XXYLT1: variants seen among roughly 807,000 people sequenced by gnomAD.
The protein encoded by XXYLT1 is xyloside xylosyltransferase 1.
In XXYLT1, 20 loss-of-function variants were observed where a neutral mutation model predicts 28.9. That is an observed-to-expected ratio of 0.69 (90% CI 0.49 to 1.00). The LOEUF is 1.00. Among genes scored for constraint, XXYLT1 ranks in the 50% least tolerant of loss-of-function variants. The pLI is 0.00. For missense variants in XXYLT1, 542 were observed against 560.1 expected, an observed-to-expected ratio of 0.97 and a Z score of 0.33; for synonymous variants, 257 against 253.8, an observed-to-expected ratio of 1.01 and a Z score of -0.12.
chr3:195,137,413 C>CT (rs905551283), intron 3 of XXYLT1, among the ~76,000 whole-genome samples: 4 of 152,218 alleles, frequency 2.6e-5, no homozygotes, highest in African/African-American at 9.6e-5. Flanking sequence ...CACTGGTCTT[C>CT]TGCACCATGG....
At chr3:195,253,995 C>A (rs1725379638) in intron 1 of XXYLT1, among the ~76,000 whole-genome samples, 1 of 152,230 alleles carries the variant, frequency 6.6e-6, no homozygotes, top group Non-Finnish European at 1.5e-5. Context: ...TGCTCTCGGA[C>A]AAGTCACGGG....
intron 3 of XXYLT1, among the ~76,000 whole-genome samples, chr3:195,153,189 C>T (rs775973391): frequency 4.6e-5 from 7 of 152,264 alleles, no homozygotes; most frequent in Non-Finnish European, 7.3e-5. Flanking sequence ...CACTGCCAGC[C>T]AGGTGAACAC....
intron 3 of XXYLT1, among the ~76,000 whole-genome samples, chr3:195,128,442 C>A (rs184258982): frequency 1.8e-3 from 272 of 152,264 alleles, no homozygotes; most frequent in Non-Finnish European, 3.1e-3. Context: ...TGTCAACATC[C>A]TAAAATGAAA....
intron 2 of XXYLT1, among the ~76,000 whole-genome samples, chr3:195,206,065 C>T (rs1220254992): frequency 6.8e-6 from 1 of 146,490 alleles, no homozygotes; most frequent in East Asian, 2.0e-4. Context: ...CACTCTGTCA[C>T]CCAGCCTGGA....
rs1491089366 is a variant in XXYLT1, at chr3:195,110,176, ATG to A, written c.786-40067_786-40066del. Among the ~76,000 whole-genome samples, 8 of 12,256 alleles carry A rather than the reference ATG, an allele frequency of 6.5e-4. 3 individuals are homozygous for A. The highest frequency in any genetic ancestry group is 1.6e-3 in the East Asian group (1 of 624). 8.0% of individuals were successfully genotyped at this position (12,256 alleles called of 152,430 possible). ...TGTGTGTTGTGTGTGGTGTCTGAGT[ATG>A]TGTGTGTGTGGGTGAGGTGTATGTG... is the stretch of plus-strand genomic sequence containing the variant. On this transcript the variant is annotated intron_variant, in intron 3 of 3. Transcript: ENST00000310380.
intron 2 of XXYLT1, among the ~76,000 whole-genome samples, chr3:195,185,273 T>A (rs1277745041): frequency 6.6e-6 from 1 of 152,102 alleles, no homozygotes; most frequent in Non-Finnish European, 1.5e-5. Context: ...TCTTAGAACT[T>A]AGACTAAAGA....
rs1725453458 is a variant in XXYLT1 at position 195,255,729 on chromosome 3, G to C, written c.504+14826C>G. Reference sequence around the variant, plus strand: ...AGGAGAGCTGCTCCCAGTCTCCCTTGTCCACTGAGCAGCTGTGTGGCCCTG... The same window carrying C: ...AGGAGAGCTGCTCCCAGTCTCCCTTCTCCACTGAGCAGCTGTGTGGCCCTG... On this transcript the variant is annotated intron_variant, in intron 1 of 3. Transcript: ENST00000310380. This position sits in a 1 kb window ranked among gnomAD's most constrained non-coding sequence, Gnocchi z 4.5. 6.6e-6 allele frequency among the ~76,000 whole-genome samples: 1 copy of C among 152,104 alleles called. No homozygotes were observed. Among genetic ancestry groups the C allele is most frequent in the East Asian group, 1.9e-4 (1 of 5,188 alleles).
chr3:195,175,127 G>A (rs1273726830), intron 2 of XXYLT1, among the ~76,000 whole-genome samples: 1 of 152,196 alleles, frequency 6.6e-6, no homozygotes, highest in Non-Finnish European at 1.5e-5. Flanking sequence ...CTCTACCCCA[G>A]AGCAATCGGG....
rs553453292 is a variant in XXYLT1 at position 195,149,930 on chromosome 3, T to A, written c.785+6519A>T. ...GCCGGGAGATAACATATCCAGCGTT[T>A]TTGTCTTCCATAATAGGAGGCAGGC... On this transcript the variant is annotated intron_variant, in intron 3 of 3. Coordinates refer to ENST00000310380, the MANE Select transcript of XXYLT1 (RefSeq NM_152531.5). Among the ~76,000 whole-genome samples, 3 of 152,302 alleles carry A rather than the reference T, an allele frequency of 2.0e-5. No individual in the cohort carries two copies. The East Asian group carries it at 5.8e-4, about 29-fold the overall frequency.
At chr3:195,258,179 G>A (rs1323224404) in intron 1 of XXYLT1, among the ~76,000 whole-genome samples, 1 of 152,132 alleles carries the variant, frequency 6.6e-6, no homozygotes, top group Non-Finnish European at 1.5e-5. Flanking sequence ...GCAAAAGCAG[G>A]GCCACCTCAC....
chr3:195,247,343 T>C (rs560176415), intron 1 of XXYLT1, among the ~76,000 whole-genome samples: 1 of 152,330 alleles, frequency 6.6e-6, no homozygotes, highest in African/African-American at 2.4e-5. Context: ...CGATTTGTCC[T>C]TTTTTCGTGT....
chr3:195,206,356 C>T lies in XXYLT1; in HGVS notation c.652+20353G>A, dbSNP rs1015302636. 7.3e-5 allele frequency among the ~76,000 whole-genome samples: 11 copies of T among 150,984 alleles called. 1 individual carries two copies. Among genetic ancestry groups the T allele is most frequent in the Middle Eastern group, 6.8e-3 (2 of 294 alleles). On this transcript the variant is annotated intron_variant, in intron 2 of 3. Coordinates refer to ENST00000310380, the MANE Select transcript of XXYLT1 (RefSeq NM_152531.5). ...AGAATGGGAAAGACTCAAGAGTCAA[C>T]CAAATGAAACATGTAGTCAATTCAA...
intron 2 of XXYLT1, among the ~76,000 whole-genome samples, chr3:195,161,860 C>T (rs539272281): frequency 3.9e-5 from 6 of 152,114 alleles, no homozygotes; most frequent in South Asian, 2.1e-4. Context: ...TCAGGTGATC[C>T]GCCCACCTTG....
chr3:195,177,936 TAAAAAAAAAAA>T (rs56022005), intron 2 of XXYLT1, among the ~76,000 whole-genome samples: 1 of 115,654 alleles, frequency 8.6e-6, no homozygotes, highest in Admixed American at 8.7e-5. Context: ...CTCTGTCTCT[TAAAAAAAAAAA>T]AAAAAAAAAA....
At chr3:195,212,499 C>T (rs1036741166) in intron 2 of XXYLT1, among the ~76,000 whole-genome samples, 2 of 152,154 alleles carry the variant, frequency 1.3e-5, no homozygotes, top group East Asian at 1.9e-4. Context: ...AAGCCCCATG[C>T]GAACAGGTAC....
chr3:195,143,277 C>T (rs1476794392), intron 3 of XXYLT1, among the ~76,000 whole-genome samples: 1 of 152,152 alleles, frequency 6.6e-6, no homozygotes, highest in Admixed American at 6.5e-5. Flanking sequence ...GTGCAGCCCA[C>T]GGTGGGAGCA....
intron 1 of XXYLT1, among the ~76,000 whole-genome samples, 193 bp from the exon 2 acceptor site, chr3:195,227,049 C>T (rs1022487409): frequency 2.0e-5 from 3 of 151,996 alleles, no homozygotes; most frequent in East Asian, 3.9e-4. Context: ...GAATTGAGGC[C>T]GCACTAAGGA....
At chr3:195,155,913 G>C (rs1021779894) in intron 3 of XXYLT1, among the ~76,000 whole-genome samples, 32 of 152,370 alleles carry the variant, frequency 2.1e-4, no homozygotes, top group African/African-American at 7.2e-4. Flanking sequence ...GAATATTCCA[G>C]AATGGTTCTC....
In XXYLT1 at chr3:195,236,072, G is replaced by A. The variant is rs368289556; in HGVS notation, c.505-9216C>T. On this transcript the variant is annotated intron_variant, in intron 1 of 3. Coordinates refer to ENST00000310380, the MANE Select transcript of XXYLT1 (RefSeq NM_152531.5). The stretch of plus-strand genomic sequence containing the variant: ...GCCAGCACACCACTGAGTTTTGCCC[G>A]AGGCCTGCTATAACCACTAGCTGAC... Among the ~76,000 whole-genome samples the A allele has an allele frequency of 6.6e-4, 101 of 152,226 alleles. 1 individual carries two copies. The highest frequency in any genetic ancestry group is 2.1e-3 in the African/African-American group (88 of 41,528).
Sources: gnomAD v4.1 joint callset for allele counts (sites outside exome capture counted in the v4.1 genomes callset) on GRCh38, gnomAD v4.1.1 for gene constraint, Gnocchi (gnomAD v3.1) non-coding constraint, MANE v1.5 for transcripts, NCBI Gene and HGNC (gene_info 2026-07-23, HGNC 2026-07-21) for gene names.